Variants in RYR3 observed in about 807,000 individuals in gnomAD.
RYR3 encodes brain ryanodine receptor-calcium release channel.
A neutral mutation model predicts 584.3 loss-of-function variants in RYR3; 207 were observed. The observed-to-expected ratio is 0.35, with a 90% CI of 0.32 to 0.40. RYR3 has a LOEUF of 0.40. Among genes scored for constraint, RYR3 ranks in the 10% least tolerant of loss-of-function variants. RYR3 has a pLI of 1.00. For missense variants in RYR3, 5,616 were observed against 6,089.2 expected, an observed-to-expected ratio of 0.92 and a Z score of 2.59; for synonymous variants, 2,416 against 2,248.5, an observed-to-expected ratio of 1.07 and a Z score of -2.11.
intron 1 of RYR3, among the ~76,000 whole-genome samples, chr15:33,441,553 G>A (rs1362740800): frequency 6.6e-6 from 1 of 152,056 alleles, no homozygotes; most frequent in African/African-American, 2.4e-5. Flanking sequence ...GGTAGAAGTG[G>A]GGACTTAAAC....
chr15:33,801,520 G>A (rs1376086740), intron 68 of RYR3, among the ~76,000 whole-genome samples: 1 of 152,118 alleles, frequency 6.6e-6, no homozygotes, highest in Non-Finnish European at 1.5e-5. Context: ...ATACATTTTG[G>A]GGTCAAATAT....
intron 19 of RYR3, among the ~76,000 whole-genome samples, chr15:33,620,640 C>T (rs982523917): frequency 6.6e-6 from 1 of 152,186 alleles, no homozygotes; most frequent in Non-Finnish European, 1.5e-5. Context: ...TCCCTTCAAA[C>T]CTGAATTTTA....
At chr15:33,573,337 C>G (rs921335126) in intron 12 of RYR3, among the ~76,000 whole-genome samples, 1 of 152,090 alleles carries the variant, frequency 6.6e-6, no homozygotes, top group East Asian at 1.9e-4. Context: ...TTTGAGAAAC[C>G]AACTTTGTAT....
Position 33,649,923 on chromosome 15 carries a change from A to G in RYR3, c.4142+688A>G, listed in dbSNP as rs528981091. Among the ~76,000 whole-genome samples the G allele has an allele frequency of 4.6e-4, 70 of 152,324 alleles. 3 individuals carry two copies. The South Asian group carries it at 0.015, about 32-fold the overall frequency. ...GAGCATCTTTTCCCTATACAGCCAT[A>G]TGTAGCGATGTCATAAGTTGTTTTT... On this transcript the variant is annotated intron_variant, in intron 31 of 103. Coordinates refer to ENST00000634891, the MANE Select transcript of RYR3 (RefSeq NM_001036.6).
At chr15:33,702,092 C>T (rs993118639) in intron 42 of RYR3, among the ~76,000 whole-genome samples, 1 of 152,156 alleles carries the variant, frequency 6.6e-6, no homozygotes, top group African/African-American at 2.4e-5. Flanking sequence ...CTGCCAGTTA[C>T]GGGCAAGGAA....
intron 60 of RYR3, among the ~76,000 whole-genome samples, chr15:33,763,067 G>A (rs1177024884): frequency 6.6e-6 from 1 of 152,200 alleles, no homozygotes; most frequent in Non-Finnish European, 1.5e-5. Flanking sequence ...CTATCCATAT[G>A]CAGAAAACTA....
chr15:33,696,578 C>A, intron 39 of RYR3, 87 bp downstream of exon 39: 2 of 1,350,430 alleles, frequency 1.5e-6, no homozygotes, highest in Non-Finnish European at 2.1e-6. Flanking sequence ...ATAGTGGAAT[C>A]AAATCATATT....
At chr15:33,439,942 G>T (rs1026430163) in intron 1 of RYR3, among the ~76,000 whole-genome samples, 4 of 152,160 alleles carry the variant, frequency 2.6e-5, no homozygotes, top group Admixed American at 6.5e-5. Context: ...ATAGCGACAG[G>T]TAGATAAAAA....
intron 47 of RYR3, among the ~76,000 whole-genome samples, chr15:33,729,592 T>C (rs1411871806): frequency 6.6e-6 from 1 of 151,896 alleles, no homozygotes; most frequent in East Asian, 1.9e-4. Flanking sequence ...CAAAGGCAAA[T>C]ATAAGTTTGG....
At position 33,864,194 on chromosome 15, in the gene RYR3, G is replaced by C. The variant is rs1567369879; in HGVS notation, c.14517+5G>C. 2 of 1,607,002 alleles carry C rather than the reference G, an allele frequency of 1.2e-6. No homozygotes were observed. Among genetic ancestry groups the C allele is most frequent in the Non-Finnish European group, 1.7e-6 (2 of 1,175,426 alleles). On this transcript the variant is annotated splice_donor_5th_base_variant and intron_variant, in intron 103 of 103. Coordinates refer to ENST00000634891, the MANE Select transcript of RYR3 (RefSeq NM_001036.6). ...GAAACAGAGCACACGGGTCAGGTGA[G>C]AAATTAAGAATCATATACCCGTGTT...
At chr15:33,461,171 C>A (rs1036522936) in intron 1 of RYR3, among the ~76,000 whole-genome samples, 3 of 151,888 alleles carry the variant, frequency 2.0e-5, no homozygotes, top group African/African-American at 7.3e-5. Flanking sequence ...GTCTTGATCT[C>A]CTGACCTCGT....
chr15:33,796,482 C>T (rs910197704), intron 67 of RYR3, among the ~76,000 whole-genome samples: 3 of 152,114 alleles, frequency 2.0e-5, no homozygotes, highest in African/African-American at 7.2e-5. Context: ...CCTTCTGCCA[C>T]CCCCCAGGAT....
intron 19 of RYR3, among the ~76,000 whole-genome samples, chr15:33,621,974 C>G (rs752293057): frequency 1.3e-5 from 2 of 152,098 alleles, no homozygotes; most frequent in Non-Finnish European, 2.9e-5. Context: ...TACCTCATCC[C>G]CCTCCACACA....
chr15:33,857,662 C>G lies in RYR3; in HGVS notation c.14008-118C>G, dbSNP rs1319840503. ...TTCTTAGCCGCCCTCCACCCCTTCC[C>G]CATTTCCTCTCCTTGCCCGTCCTCA... On this transcript the variant is annotated intron_variant, in intron 98 of 103. Transcript: ENST00000634891. 4 of 1,293,844 alleles carry G rather than the reference C, an allele frequency of 3.1e-6. No homozygotes were observed. The South Asian group carries it at 4.2e-5, about 14-fold the overall frequency. 80.1% of individuals were successfully genotyped at this position (1,293,844 alleles called of 1,614,324 possible).
At chr15:33,832,029 C>T (rs1002681834) in intron 86 of RYR3, among the ~76,000 whole-genome samples, 17 of 152,170 alleles carry the variant, frequency 1.1e-4, no homozygotes, top group Non-Finnish European at 1.9e-4. Flanking sequence ...TGCGGTGGCT[C>T]ATGCCTGTAA....
At chr15:33,834,913 G>C (rs889008281) in intron 86 of RYR3, 55 bp from the exon 87 acceptor site, 102 of 1,456,112 alleles carry the variant, frequency 7.0e-5, no homozygotes, top group Admixed American at 3.3e-4. Context: ...TACTAGACAG[G>C]TTTCAGAGCA....
intron 98 of RYR3, chr15:33,856,112 G>A (rs558443010): frequency 1.3e-5 from 2 of 152,306 alleles, no homozygotes; most frequent in South Asian, 2.1e-4. Flanking sequence ...GCAGCTAAAT[G>A]TCTCACCCAA....
intron 30 of RYR3, among the ~76,000 whole-genome samples, chr15:33,648,584 A>C (rs1475788028): frequency 6.6e-6 from 1 of 152,170 alleles, no homozygotes; most frequent in Non-Finnish European, 1.5e-5. Context: ...CTCTTTCAAG[A>C]CTTTCCAGAA....
At chr15:33,527,714 A>G (rs901522500) in intron 3 of RYR3, among the ~76,000 whole-genome samples, 6 of 152,154 alleles carry the variant, frequency 3.9e-5, no homozygotes, top group Non-Finnish European at 7.3e-5. Context: ...TTGTACTTGT[A>G]TTTTAAGTAT....
Sources: gnomAD v4.1 joint callset for allele counts (sites outside exome capture counted in the v4.1 genomes callset) on GRCh38, gnomAD v4.1.1 for gene constraint, MANE v1.5 for transcripts, NCBI Gene and HGNC (gene_info 2026-07-23, HGNC 2026-07-21) for gene names.